CARD10: variants seen among roughly 807,000 people sequenced by gnomAD.
CARD10 encodes caspase recruitment domain-containing protein 10.
In CARD10, 49 loss-of-function variants were observed where a neutral mutation model predicts 114.6. That is an observed-to-expected ratio of 0.43 (90% confidence interval 0.34 to 0.54). CARD10 has a LOEUF of 0.54. Among genes scored for constraint, CARD10 ranks in the 20% least tolerant of loss-of-function variants. CARD10 has a pLI of 0.03. For synonymous variants in CARD10, 602 were observed against 593.2 expected (o/e 1.01, Z -0.21); for missense variants, 1,206 against 1,397.2 (o/e 0.86, Z 2.18).
At chr22:37,505,278 A>C (rs1923366581) in intron 7 of CARD10, among the ~76,000 whole-genome samples, 1 of 150,328 alleles carries the variant, frequency 6.7e-6, no homozygotes, top group Non-Finnish European at 1.5e-5. Context: ...TGGGGGTTAA[A>C]AAAAAAAAAA....
At chr22:37,505,275 TAAA>T (rs35364224) in intron 7 of CARD10, among the ~76,000 whole-genome samples, 4 of 142,178 alleles carry the variant, frequency 2.8e-5, no homozygotes, top group Admixed American at 7.0e-5. Flanking sequence ...CACTGGGGGT[TAAA>T]AAAAAAAAAA....
chr22:37,495,649 C>G, intron 14 of CARD10, 63 bp from the exon 15 acceptor site: 3 of 1,610,572 alleles, frequency 1.9e-6, no homozygotes, highest in Admixed American at 1.7e-5. Flanking sequence ...CTCCTCGAAC[C>G]CCCCGCCCTG....
At chr22:37,500,146 G>A (rs1225149183) in intron 11 of CARD10, among the ~76,000 whole-genome samples, 1 of 152,210 alleles carries the variant, frequency 6.6e-6, no homozygotes, top group Non-Finnish European at 1.5e-5. Flanking sequence ...ATGCCACACA[G>A]ATCACCTCAG....
rs538803233 is a variant in CARD10 at position 37,496,984 on chromosome 22, A to G, written c.1947+35T>C. 6.4e-7 allele frequency: 1 copy of G among 1,559,476 alleles called. No homozygotes were observed. Among genetic ancestry groups the G allele is most frequent in the African/African-American group, 1.4e-5 (1 of 73,132 alleles). ...ATGTCCAGCCTGGGCAAAAGCACTG[A>G]CCCTACCCCCCCAGCTCAGGAGGCA... On this transcript the variant is annotated intron_variant, in intron 12 of 19. Coordinates refer to ENST00000251973, the MANE Select transcript of CARD10 (RefSeq NM_014550.4). The surrounding 1 kb of genome is among the most constrained non-coding windows in gnomAD (Gnocchi z 4.1).
Position 37,496,630 on chromosome 22 carries a change from G to T in CARD10, c.1948-70C>A. ...GAGTAGAGCAGCCCAGGGGCTGGAG[G>T]AAGACCAGGTGTGGGGGTGTTTCAT... On this transcript the variant is annotated intron_variant, in intron 12 of 19. Coordinates refer to ENST00000251973, the MANE Select transcript of CARD10 (RefSeq NM_014550.4). The surrounding 1 kb of genome is among the most constrained non-coding windows in gnomAD (Gnocchi z 4.1). 1 of 1,115,032 alleles carries T rather than the reference G, an allele frequency of 9.0e-7. No individual in the cohort carries two copies. The highest frequency in any genetic ancestry group is 1.3e-6 in the Non-Finnish European group (1 of 748,976). The allele number at this position is 1,115,032 out of a possible 1,614,324, so 69.1% of individuals were successfully genotyped here.
In CARD10 at chr22:37,492,339, A is replaced by G; in HGVS notation, c.2751+96T>C. 1 of 916,778 alleles carries G rather than the reference A, an allele frequency of 1.1e-6. No homozygotes were observed. The highest frequency in any genetic ancestry group is 1.6e-6 in the Non-Finnish European group (1 of 619,626). The allele number at this position is 916,778 out of a possible 1,614,324, so 56.8% of individuals were successfully genotyped here. A position where few individuals can be genotyped will look rare whatever the true frequency, so the allele number is the denominator to read the frequency against. Reference sequence around the variant, plus strand: ...CCGCCCTGCCAGTGAGCAGCAGAGCATGGCCCGCGCTCAGACGCTGGCGCT... The same window carrying G: ...CCGCCCTGCCAGTGAGCAGCAGAGCGTGGCCCGCGCTCAGACGCTGGCGCT... On this transcript the variant is annotated intron_variant, in intron 18 of 19. Coordinates refer to ENST00000251973, the MANE Select transcript of CARD10 (RefSeq NM_014550.4). This position sits in a 1 kb window ranked among gnomAD's most constrained non-coding sequence, Gnocchi z 5.7.
intron 3 of CARD10, among the ~76,000 whole-genome samples, chr22:37,511,535 A>T (rs1272244431): frequency 7.1e-6 from 1 of 140,636 alleles, no homozygotes; most frequent in African/African-American, 2.7e-5. Context: ...AGAAAGAAAG[A>T]AGGAGAAAAA....
At chr22:37,495,304 A>G (rs1320166780) in intron 15 of CARD10, among the ~76,000 whole-genome samples, 1 of 152,334 alleles carries the variant, frequency 6.6e-6, no homozygotes, top group African/African-American at 2.4e-5. Flanking sequence ...ACTCCTGCAT[A>G]CTAGGCACGC....
In CARD10 at chr22:37,504,290, T is replaced by C. The variant is rs1363088310; in HGVS notation, c.1530A>G (p.Thr510=). Residue 510 remains threonine, a synonymous_variant, in exon 9 of 20, where the codon ACA becomes ACG. Transcript: ENST00000251973. ...GPEPHNSEEA[T]DSEKEINRLS... ...GCCGATTGATCTCCTTTTCACTGTC[T>C]GTGGCTTCCTCCTGCAATGCCATGA... 2.6e-6 allele frequency: 4 copies of C among 1,543,498 alleles called. No individual in the cohort carries two copies. The African/African-American group carries it at 5.4e-5, about 21-fold the overall frequency.
At chr22:37,508,759 A>G in intron 4 of CARD10, 77 bp from the exon 5 acceptor site, 1 of 1,442,522 alleles carries the variant, frequency 6.9e-7, no homozygotes, top group Non-Finnish European at 9.3e-7. Flanking sequence ...GGGGACACGC[A>G]GCTCTCAGCC....
Position 37,515,995 on chromosome 22 carries a change from C to T in CARD10, c.677G>A (p.Arg226His), listed in dbSNP as rs1361901436. Residue 226 changes from arginine to histidine, a missense_variant, in exon 3 of 20, where the codon CGC becomes CAC. Physicochemically the swap from Arg to His is conservative, Grantham distance 29. Around this residue, in one of 2 missense-constraint regions of CARD10, gnomAD observed 1,068 missense variants for 1,179.1 expected, o/e 0.91. Coordinates refer to ENST00000251973, the MANE Select transcript of CARD10 (RefSeq NM_014550.4). ...LSEEKNSAVL[R>H]SRDLQLAVDQ... ...TACCGCCAGCTGCAGGTCACGGCTG[C>T]GAAGTACAGCCGAGTTCTTCTCCTC... is the stretch of plus-strand genomic sequence containing the variant. 10 of 1,589,350 alleles carry T rather than the reference C, an allele frequency of 6.3e-6. No homozygotes were observed. The highest frequency in any genetic ancestry group is 1.3e-5 in the African/African-American group (1 of 74,452).
intron 6 of CARD10, among the ~76,000 whole-genome samples, chr22:37,507,497 C>A (rs994124369): frequency 6.6e-6 from 1 of 152,210 alleles, no homozygotes; most frequent in Non-Finnish European, 1.5e-5. Context: ...TTGAGAATTT[C>A]TTCATCGGCT....
intron 3 of CARD10, 44 bp from the exon 4 acceptor site, chr22:37,510,465 G>A (rs965778168): frequency 1.3e-6 from 2 of 1,579,990 alleles, no homozygotes; most frequent in African/African-American, 1.3e-5. Context: ...GACACACTGG[G>A]AGCCACGGGT....
rs1171107678 is a variant in CARD10 at position 37,492,578 on chromosome 22, G to T, written c.2636-28C>A. The T allele has an allele frequency of 6.2e-7, 1 of 1,604,014 alleles. No homozygotes were observed. Among genetic ancestry groups the T allele is most frequent in the Admixed American group, 1.7e-5 (1 of 59,398 alleles). On this transcript the variant is annotated intron_variant, in intron 17 of 19. Transcript: ENST00000251973. This position sits in a 1 kb window ranked among gnomAD's most constrained non-coding sequence, Gnocchi z 5.7. ...GCACAGGGAGTGGAGAGGGAGAGAT[G>T]AAGGATCCATGGGCCCGGCTGCCCA...
rs374969816 is a variant in CARD10, at chr22:37,518,126, G to T, written c.236-18C>A. On this transcript the variant is annotated intron_variant, in intron 1 of 19. Coordinates refer to ENST00000251973, the MANE Select transcript of CARD10 (RefSeq NM_014550.4). ...CAGGCGCCCTACAGAGTAGTGGGGG[G>T]ATGTACCCAGGGTCTAGGGGAAGGC... is the stretch of plus-strand genomic sequence containing the variant. 1 of 1,611,194 alleles carries T rather than the reference G, an allele frequency of 6.2e-7. No individual in the cohort carries two copies. Among genetic ancestry groups the T allele is most frequent in the East Asian group, 2.2e-5 (1 of 44,780 alleles).
At chr22:37,517,711 T>G (rs1923888341) in intron 2 of CARD10, among the ~76,000 whole-genome samples, 1 of 152,150 alleles carries the variant, frequency 6.6e-6, no homozygotes, top group South Asian at 2.1e-4. Flanking sequence ...CATCTGTGTA[T>G]GTCAGACATA....
Position 37,501,319 on chromosome 22 carries a change from C to G in CARD10, c.1787+1283G>C, listed in dbSNP as rs934088066. 2.6e-5 allele frequency among the ~76,000 whole-genome samples: 4 copies of G among 152,168 alleles called. No homozygotes were observed. Among genetic ancestry groups the G allele is most frequent in the African/African-American group, 9.7e-5 (4 of 41,422 alleles). ...TGCTCCCTGGCTGCATCCTGGCGCC[C>G]CCTGGACAACAGCCAGGACCCCTGC... is the stretch of plus-strand genomic sequence containing the variant. On this transcript the variant is annotated intron_variant, in intron 11 of 19. Coordinates refer to ENST00000251973, the MANE Select transcript of CARD10 (RefSeq NM_014550.4). The surrounding 1 kb of genome is among the most constrained non-coding windows in gnomAD (Gnocchi z 5.4).
intron 4 of CARD10, 198 bp from the exon 5 acceptor site, chr22:37,508,880 C>A (rs913501963): frequency 1.9e-5 from 24 of 1,270,286 alleles, no homozygotes; most frequent in Non-Finnish European, 2.0e-5. Context: ...CCTACCCACC[C>A]TCCAGGGAGT....
intron 4 of CARD10, chr22:37,509,216 G>T (rs1923525383): frequency 7.5e-7 from 1 of 1,340,316 alleles, no homozygotes; most frequent in Non-Finnish European, 9.8e-7. Flanking sequence ...CCAGGAGGCA[G>T]GCCCATGCAG....
Sources: allele counts gnomAD v4.1 joint callset (sites outside exome capture counted in the v4.1 genomes callset), GRCh38; gene constraint gnomAD v4.1.1; regional missense constraint gnomAD v4.1.1; non-coding constraint Gnocchi (gnomAD v3.1); transcripts MANE v1.5; gene names NCBI Gene and HGNC (gene_info 2026-07-23, HGNC 2026-07-21).